Variants in OR52K1 observed in about 807,000 individuals in gnomAD.
OR52K1 encodes olfactory receptor family 52 subfamily K member 1.
Under a neutral mutation model 8.7 loss-of-function variants are expected in OR52K1, and 10 were observed. That is an observed-to-expected ratio of 1.15 (90% CI 0.71 to 1.95). The LOEUF (loss-of-function observed/expected upper bound fraction) is 1.95, where lower values mean the gene tolerates loss of function less well. OR52K1 is among the 30% of genes most tolerant of loss of function. The pLI, the probability that OR52K1 is intolerant of heterozygous loss-of-function variation, is 0.00. For synonymous variants in OR52K1, 203 were observed against 148.5 expected (o/e 1.37, Z -2.67); for missense variants, 431 against 397.2 (o/e 1.08, Z -0.72).
In OR52K1 at chr11:4,483,004, T is replaced by C. The variant is rs1221788187; in HGVS notation, c.-501T>C. 2.8e-5 allele frequency: 11 copies of C among 395,916 alleles called. No homozygotes were observed. The East Asian group carries it at 3.9e-4, about 14-fold the overall frequency. The allele number at this position is 395,916 out of a possible 1,614,324, so 24.5% of individuals were successfully genotyped here. On this transcript the variant is annotated 5_prime_UTR_variant, in exon 1 of 2. Transcript: ENST00000641528. ...CCTGCTTCCGTCCTATGCCAAACAC[T>C]GTGGGCCATCTCCAAGAAGTCTTAG...
At position 4,486,808 on chromosome 11, in the gene OR52K1, G is replaced by C. The variant is rs117505753; in HGVS notation, c.-328-1765G>C. On this transcript the variant is annotated intron_variant, in intron 1 of 1. Transcript: ENST00000641528. ...AAATAGTTGTCATTAAATTTAGTTA[G>C]TATATTTTCTGAATGACATGGATAT... 4.7e-3 allele frequency among the ~76,000 whole-genome samples: 711 copies of C among 152,232 alleles called. 2 individuals are homozygous for C. Among genetic ancestry groups the C allele is most frequent in the Non-Finnish European group, 7.3e-3 (495 of 68,008 alleles).
At chr11:4,484,230 G>C (rs1009367247) in intron 1 of OR52K1, among the ~76,000 whole-genome samples, 3 of 152,188 alleles carry the variant, frequency 2.0e-5, no homozygotes, top group African/African-American at 4.8e-5. Flanking sequence ...ATTGTTGAAG[G>C]ATAAATATTG....
In OR52K1 at chr11:4,489,904, T is replaced by C; in HGVS notation, c.*59T>C. 8.0e-7 allele frequency: 1 copy of C among 1,255,380 alleles called. No homozygotes were observed. Among genetic ancestry groups the C allele is most frequent in the East Asian group, 2.3e-5 (1 of 43,038 alleles). 77.8% of individuals were successfully genotyped at this position (1,255,380 alleles called of 1,614,324 possible). On this transcript the variant is annotated 3_prime_UTR_variant, in exon 2 of 2. Transcript: ENST00000641528. ...AGTAATGAGAATGCTGGATTGGGGT[T>C]GAGGGGAAAAATCTAAATAGGAAAA...
In OR52K1 at chr11:4,487,948, G is replaced by A. The variant is rs543127245; in HGVS notation, c.-328-625G>A. Among the ~76,000 whole-genome samples, 4 of 152,262 alleles carry A rather than the reference G, an allele frequency of 2.6e-5. No homozygotes were observed. The South Asian group carries it at 6.2e-4, about 24-fold the overall frequency. ...ACAATGACCAGAACAAGATAAAAAG[G>A]TGAAAAATTGTTAACAAGAAGGATA... On this transcript the variant is annotated intron_variant, in intron 1 of 1. Transcript: ENST00000641528.
In OR52K1 at chr11:4,489,686, C is replaced by T. The variant is rs944353866; in HGVS notation, c.786C>T (p.Val262=). 5.0e-6 allele frequency: 8 copies of T among 1,614,120 alleles called. No individual in the cohort carries two copies. Among genetic ancestry groups the T allele is most frequent in the Non-Finnish European group, 6.8e-6 (8 of 1,180,044 alleles). The part of the protein sequence containing the change: ...STYTPVVISS[V]MHRVARHAAP... ...ACACTCCAGTAGTCATCTCTTCAGT[C>T]ATGCACCGTGTAGCCCGCCATGCTG... The change falls in exon 2 of 2, where the codon GTC becomes GTT. Residue 262 remains valine (V), a synonymous_variant. Transcript: ENST00000641528.
chr11:4,485,082 TTG>T (rs1564831454), intron 1 of OR52K1, among the ~76,000 whole-genome samples: 1 of 152,232 alleles, frequency 6.6e-6, no homozygotes, highest in African/African-American at 2.4e-5. Context: ...ACAAGGCCAA[TTG>T]TGTTTTCAAG....
At chr11:4,486,417 A>G (rs1846321298) in intron 1 of OR52K1, among the ~76,000 whole-genome samples, 1 of 152,148 alleles carries the variant, frequency 6.6e-6, no homozygotes, top group South Asian at 2.1e-4. Flanking sequence ...CCACTCCTTC[A>G]TCCTATTCTT....
At chr11:4,483,991 G>A (rs1311286662) in intron 1 of OR52K1, among the ~76,000 whole-genome samples, 2 of 152,184 alleles carry the variant, frequency 1.3e-5, no homozygotes, top group Non-Finnish European at 2.9e-5. Flanking sequence ...TAATCGGGAT[G>A]CTTAGAACCT....
intron 1 of OR52K1, among the ~76,000 whole-genome samples, chr11:4,486,677 G>A (rs1363115631): frequency 6.6e-6 from 1 of 152,098 alleles, no homozygotes; most frequent in Non-Finnish European, 1.5e-5. Context: ...ATTTAATCAT[G>A]ATGTCCTTTT....
intron 1 of OR52K1, among the ~76,000 whole-genome samples, chr11:4,488,297 A>G (rs1846336870): frequency 6.6e-6 from 1 of 152,238 alleles, no homozygotes; most frequent in Non-Finnish European, 1.5e-5. Context: ...TTTTGTATAA[A>G]TGTGAAATTT....
In OR52K1 at chr11:4,493,380, A is replaced by G. The variant is rs552455324; in HGVS notation, c.*3535A>G. ...ACTGACTACTACTAGACCACAGTCC[A>G]CTAGGTAATGGGTGCCTTCCCAGGC... On this transcript the variant is annotated 3_prime_UTR_variant, in exon 2 of 2. Coordinates refer to ENST00000641528, the MANE Select transcript of OR52K1 (RefSeq NM_001005171.3). 1 of 152,274 alleles carries G rather than the reference A, an allele frequency of 6.6e-6. No homozygotes were observed. Among genetic ancestry groups the G allele is most frequent in the African/African-American group, 2.4e-5 (1 of 41,458 alleles). The allele number at this position is 152,274 out of a possible 1,614,324, so 9.4% of individuals were successfully genotyped here. A position where few individuals can be genotyped will look rare whatever the true frequency, so the allele number is the denominator to read the frequency against.
chr11:4,483,992 C>G (rs551412923), intron 1 of OR52K1, among the ~76,000 whole-genome samples: 1 of 152,278 alleles, frequency 6.6e-6, no homozygotes, highest in South Asian at 2.1e-4. Flanking sequence ...AATCGGGATG[C>G]TTAGAACCTC....
At position 4,490,028 on chromosome 11, in the gene OR52K1, G is replaced by A; in HGVS notation, c.*183G>A. 1.7e-6 allele frequency: 1 copy of A among 596,854 alleles called. No individual in the cohort carries two copies. The highest frequency in any genetic ancestry group is 3.0e-6 in the Non-Finnish European group (1 of 337,360). 37.0% of individuals were successfully genotyped at this position (596,854 alleles called of 1,614,324 possible). A position where few individuals can be genotyped will look rare whatever the true frequency, so the allele number is the denominator to read the frequency against. ...AGGTCAAACCAGGAGTGCACCTATAGTCTGGTCTGATAGTAGAGGTTTGAC... is the reference window on the plus strand; with the variant it reads ...AGGTCAAACCAGGAGTGCACCTATAATCTGGTCTGATAGTAGAGGTTTGAC... On this transcript the variant is annotated 3_prime_UTR_variant, in exon 2 of 2. Transcript: ENST00000641528.
rs535477897 is a variant in OR52K1 at position 4,483,565 on chromosome 11, A to G, written c.-329+389A>G. ...TTTTAGATGAACTTCAAAGGAAGTAAGATTTATGAACTATTAGACACCCTG... is the reference window on the plus strand; with the variant it reads ...TTTTAGATGAACTTCAAAGGAAGTAGGATTTATGAACTATTAGACACCCTG... On this transcript the variant is annotated intron_variant, in intron 1 of 1. Coordinates refer to ENST00000641528, the MANE Select transcript of OR52K1 (RefSeq NM_001005171.3). Among the ~76,000 whole-genome samples the G allele has an allele frequency of 4.6e-5, 7 of 152,354 alleles. No homozygotes were observed. The East Asian group carries it at 9.6e-4, about 21-fold the overall frequency.
In OR52K1 at chr11:4,491,431, G is replaced by A. The variant is rs1169374743; in HGVS notation, c.*1586G>A. ...ATTTGACTGAGTGATCCTTTAGTGG[G>A]TATGTACCCAAAGGAACCTAAGTTG... On this transcript the variant is annotated 3_prime_UTR_variant, in exon 2 of 2. Transcript: ENST00000641528. 2.6e-5 allele frequency: 4 copies of A among 152,222 alleles called. No homozygotes were observed. The Middle Eastern group carries it at 0.014, about 518-fold the overall frequency. 9.4% of individuals were successfully genotyped at this position (152,222 alleles called of 1,614,324 possible). A position where few individuals can be genotyped will look rare whatever the true frequency, so the allele number is the denominator to read the frequency against.
rs1423663708 is a variant in OR52K1, at chr11:4,489,025, TA to T, written c.126del (p.Gly43AlafsTer96). 1.2e-5 allele frequency: 20 copies of T among 1,614,092 alleles called. No individual in the cohort carries two copies. The highest frequency in any genetic ancestry group is 1.7e-5 in the Non-Finnish European group (20 of 1,180,018). On this transcript the variant is annotated frameshift_variant, in exon 2 of 2. Coordinates refer to ENST00000641528, the MANE Select transcript of OR52K1 (RefSeq NM_001005171.3). LOFTEE classifies it high-confidence loss of function. ...TGCTTTGCTTATACTCTGGCCCTGC[TA>T]GGCAACTGTACCCTTCTCTTCATTA... ...PFCFAYTLAL[L>X]GNCTLLFIIQ...
chr11:4,484,949 C>A (rs1846309772), intron 1 of OR52K1, among the ~76,000 whole-genome samples: 1 of 152,088 alleles, frequency 6.6e-6, no homozygotes, highest in Non-Finnish European at 1.5e-5. Flanking sequence ...AAAAGTTAGC[C>A]ATGTTAACAA....
In OR52K1 at chr11:4,487,671, AATT is replaced by A. The variant is rs1362984040; in HGVS notation, c.-328-896_-328-894del. Among the ~76,000 whole-genome samples, 3 of 152,306 alleles carry A rather than the reference AATT, an allele frequency of 2.0e-5. No individual in the cohort carries two copies. The South Asian group carries it at 6.2e-4, about 32-fold the overall frequency. ...ACTATTAGCTATAATATCTTAGAGC[AATT>A]ATTATATTTCCCAACAGTTTCTTTT... On this transcript the variant is annotated intron_variant, in intron 1 of 1. Transcript: ENST00000641528.
chr11:4,484,673 A>C (rs1846305896), intron 1 of OR52K1, among the ~76,000 whole-genome samples: 1 of 152,080 alleles, frequency 6.6e-6, no homozygotes, highest in Admixed American at 6.6e-5. Flanking sequence ...GGATATGTTT[A>C]TATTCTCAAT....
Sources: gnomAD v4.1 joint callset for allele counts (sites outside exome capture counted in the v4.1 genomes callset) on GRCh38, gnomAD v4.1.1 for gene constraint, MANE v1.5 for transcripts, NCBI Gene and HGNC (gene_info 2026-07-23, HGNC 2026-07-21) for gene names.